The following PCDH15 variants were observed in gnomAD, a reference collection of about 807,000 sequenced individuals.
PCDH15 encodes the protein protocadherin related 15, also known as protocadherin-15.
Under a neutral mutation model 178.5 loss-of-function variants are expected in PCDH15, and 129 were observed. That is an observed-to-expected ratio of 0.72 (90% CI 0.63 to 0.84). The LOEUF (loss-of-function observed/expected upper bound fraction) is 0.84. PCDH15 is among the 40% of genes least tolerant of loss of function. The pLI is 0.00. For synonymous variants in PCDH15, 800 were observed against 732.0 expected (o/e 1.09, Z -1.50); for missense variants, 2,230 against 2,099.9 (o/e 1.06, Z -1.21).
intron 13 of PCDH15, among the ~76,000 whole-genome samples, chr10:54,169,655 A>G (rs1354935922): frequency 6.6e-6 from 1 of 151,164 alleles, no homozygotes; most frequent in Non-Finnish European, 1.5e-5. Flanking sequence ...TACAAGTATA[A>G]GATACCTCTA....
intron 1 of PCDH15, among the ~76,000 whole-genome samples, chr10:54,718,621 G>A (rs895592605): frequency 1.3e-5 from 2 of 148,250 alleles, no homozygotes; most frequent in Admixed American, 6.7e-5. Flanking sequence ...TAAAGAACCA[G>A]AGAAACAACT....
chr10:54,329,628 T>G lies in PCDH15; in HGVS notation c.673A>C (p.Lys225Gln). 1 of 1,606,274 alleles carries G rather than the reference T, an allele frequency of 6.2e-7. No homozygotes were observed. Among genetic ancestry groups the G allele is most frequent in the Non-Finnish European group, 8.5e-7 (1 of 1,173,218 alleles). Residue 225 changes from lysine to glutamine, a missense_variant, in exon 7 of 38, where the codon AAG becomes CAG. Lys to Gln is a moderately conservative substitution (Grantham distance 53, BLOSUM62 1). Transcript: ENST00000644397. ...VLRKRLNYED[K>Q]TRYFVIIQAN... is the part of the protein sequence containing the mutation. ...TGGATTATGACAAAGTAGCGAGTCT[T>G]ATCTTCATAGTTGAGCCTCTTCCTT...
rs200404581 is a variant in PCDH15 at position 55,533,748 on chromosome 10, C to CA, written c.-156+93876dup. 2.1e-3 allele frequency among the ~76,000 whole-genome samples: 312 copies of CA among 149,026 alleles called. 1 individual carries two copies. The highest frequency in any genetic ancestry group is 0.013 in the East Asian group (64 of 5,092). ...GACTATTCTAAGATCTATATGGAAC[C>CA]AAAAAAAAAGAGCATGAATAGTCAA... On this transcript the variant is annotated intron_variant, in intron 2 of 5. Transcript: ENST00000613346.
At chr10:53,977,901 T>G (rs894675382) in intron 21 of PCDH15, among the ~76,000 whole-genome samples, 1 of 152,194 alleles carries the variant, frequency 6.6e-6, no homozygotes, top group African/African-American at 2.4e-5. Context: ...AGCTCCCAAA[T>G]GATCTTCTTT....
intron 1 of PCDH15, among the ~76,000 whole-genome samples, chr10:55,171,455 C>T (rs1214396484): frequency 6.6e-6 from 1 of 151,938 alleles, no homozygotes; most frequent in Non-Finnish European, 1.5e-5. Context: ...TCTTTTCATC[C>T]TTCTAGTAAC....
intron 25 of PCDH15, among the ~76,000 whole-genome samples, chr10:53,927,192 G>T (rs2084639865): frequency 6.6e-6 from 1 of 151,808 alleles, no homozygotes; most frequent in South Asian, 2.1e-4. Context: ...ATTAGTCAAA[G>T]AGTAAGAAGA....
intron 1 of PCDH15, among the ~76,000 whole-genome samples, chr10:54,683,651 T>G (rs1436473966): frequency 6.6e-6 from 1 of 152,126 alleles, no homozygotes; most frequent in East Asian, 1.9e-4. Flanking sequence ...CATGAGAGGT[T>G]AGGTAGCCCT....
chr10:54,436,955 T>C (rs1310972339), intron 3 of PCDH15, among the ~76,000 whole-genome samples: 2 of 152,170 alleles, frequency 1.3e-5, no homozygotes, highest in Admixed American at 6.5e-5. Context: ...ACTTGATCCA[T>C]AGAGAACCGT....
intron 1 of PCDH15, among the ~76,000 whole-genome samples, chr10:55,166,949 G>A (rs916808559): frequency 6.6e-6 from 1 of 152,170 alleles, no homozygotes; most frequent in Admixed American, 6.6e-5. Flanking sequence ...CTGCATATTT[G>A]GTATGACCAG....
At chr10:55,352,037 C>T (rs1032131719) in intron 2 of PCDH15, among the ~76,000 whole-genome samples, 3 of 152,032 alleles carry the variant, frequency 2.0e-5, no homozygotes, top group African/African-American at 4.8e-5. Flanking sequence ...CATAAATATT[C>T]ATCTTTTTAT....
chr10:54,771,976 C>T (rs895816806), intron 1 of PCDH15, among the ~76,000 whole-genome samples: 1 of 152,052 alleles, frequency 6.6e-6, no homozygotes. Flanking sequence ...TATAAGTATT[C>T]GGTGGAATTA....
At chr10:55,391,510 G>A (rs1041000543) in intron 2 of PCDH15, among the ~76,000 whole-genome samples, 4 of 151,842 alleles carry the variant, frequency 2.6e-5, no homozygotes, top group Non-Finnish European at 5.9e-5. Flanking sequence ...GTGGGGGGAT[G>A]GAGTCTTGCC....
intron 21 of PCDH15, among the ~76,000 whole-genome samples, chr10:53,977,323 TA>T (rs34011482): frequency 1.3e-5 from 2 of 151,828 alleles, no homozygotes; most frequent in South Asian, 2.1e-4. Context: ...CTGAAAGCTT[TA>T]AAAAAAATCA....
chr10:54,252,513 T>C (rs1435966425), intron 8 of PCDH15, among the ~76,000 whole-genome samples: 3 of 152,210 alleles, frequency 2.0e-5, no homozygotes, highest in African/African-American at 7.2e-5. Context: ...TCCTCTGCAT[T>C]AGATTATTAA....
intron 1 of PCDH15, among the ~76,000 whole-genome samples, chr10:55,240,252 A>G (rs1841505712): frequency 6.6e-6 from 1 of 152,208 alleles, no homozygotes; most frequent in Admixed American, 6.5e-5. Context: ...CATTTAGTCA[A>G]TATTACAAAT....
At chr10:55,112,176 T>C (rs1837525519) in intron 2 of PCDH15, among the ~76,000 whole-genome samples, 1 of 152,160 alleles carries the variant, frequency 6.6e-6, no homozygotes, top group Non-Finnish European at 1.5e-5. Flanking sequence ...AAAATTCACA[T>C]GTTGAAATCC....
At chr10:55,436,339 A>G (rs1839039767) in intron 2 of PCDH15, among the ~76,000 whole-genome samples, 1 of 152,158 alleles carries the variant, frequency 6.6e-6, no homozygotes, top group African/African-American at 2.4e-5. Context: ...AAATTCTGAG[A>G]CAAAATTGTT....
chr10:54,836,563 GTC>G (rs1953320361), intron 3 of PCDH15, among the ~76,000 whole-genome samples: 2 of 152,050 alleles, frequency 1.3e-5, no homozygotes, highest in Admixed American at 1.3e-4. Context: ...TTATGTGTGT[GTC>G]TCTGTGTGCA....
At chr10:55,171,722 C>T (rs543916456) in intron 1 of PCDH15, among the ~76,000 whole-genome samples, 13 of 152,102 alleles carry the variant, frequency 8.5e-5, no homozygotes, top group Non-Finnish European at 1.6e-4. Context: ...TTCAAGACTA[C>T]ACAATTTTAT....
Sources: gnomAD v4.1 joint callset for allele counts (sites outside exome capture counted in the v4.1 genomes callset) on GRCh38, gnomAD v4.1.1 for gene constraint, MANE v1.5 for transcripts, NCBI Gene and HGNC (gene_info 2026-07-23, HGNC 2026-07-21) for gene names.